Variants in GRK5 observed in about 807,000 individuals in gnomAD.
GRK5 encodes the protein G protein-coupled receptor kinase 5, also known as g protein-coupled receptor kinase GRK5.
Under a neutral mutation model 78.4 loss-of-function variants are expected in GRK5, and 40 were observed. The ratio of observed to expected loss-of-function variants is 0.51; its 90% CI spans 0.40 to 0.66. GRK5 has a LOEUF of 0.66. GRK5 is among the 30% of genes least tolerant of loss of function. The pLI, the probability that GRK5 is intolerant of heterozygous loss-of-function variation, is 0.00. For synonymous variants in GRK5, 289 were observed against 296.8 expected (o/e 0.97, Z 0.27); for missense variants, 598 against 759.9 (o/e 0.79, Z 2.50).
chr10:119,381,159 A>C (rs3818779), intron 3 of GRK5, among the ~76,000 whole-genome samples: 1 of 152,188 alleles, frequency 6.6e-6, no homozygotes, highest in Non-Finnish European at 1.5e-5. Context: ...CTTAGTTGCT[A>C]TTGCTATAAA....
intron 1 of GRK5, among the ~76,000 whole-genome samples, chr10:119,214,707 A>T (rs1354274330): frequency 1.3e-5 from 2 of 151,802 alleles, no homozygotes; most frequent in African/African-American, 4.8e-5. Flanking sequence ...TTTTGTAGAG[A>T]TGGGGTTTCG....
intron 2 of GRK5, among the ~76,000 whole-genome samples, chr10:119,356,700 A>G (rs17098766): frequency 0.037 from 5,655 of 152,260 alleles, 199 homozygotes; most frequent in Admixed American, 0.093. Context: ...GGAGATGCCA[A>G]GAATAGAGAA....
intron 13 of GRK5, among the ~76,000 whole-genome samples, chr10:119,451,947 G>A (rs1589818454): frequency 6.6e-6 from 1 of 152,262 alleles, no homozygotes; most frequent in Middle Eastern, 3.4e-3. Context: ...ACCCCACCTG[G>A]GGCTGTCTCT....
chr10:119,278,031 A>G (rs1438858900), intron 1 of GRK5, among the ~76,000 whole-genome samples: 2 of 152,236 alleles, frequency 1.3e-5, no homozygotes, highest in Admixed American at 6.5e-5. Flanking sequence ...CTCTATGGAC[A>G]GAGATTTCCT....
rs532934695 is a variant in GRK5, at chr10:119,245,204, G to A, written c.52+37235G>A. Reference sequence around the variant, plus strand: ...GAGGCAGAAGAATCTCTTGAACCCAGTAGGCGGAGGTTGCAGTGAGCCAAG... The same window carrying A: ...GAGGCAGAAGAATCTCTTGAACCCAATAGGCGGAGGTTGCAGTGAGCCAAG... On this transcript the variant is annotated intron_variant, in intron 1 of 15. Transcript: ENST00000392870. Among the ~76,000 whole-genome samples, 4 of 152,260 alleles carry A rather than the reference G, an allele frequency of 2.6e-5. No individual in the cohort carries two copies. In the East Asian group the frequency reaches 5.8e-4, roughly 22 times the overall value.
At chr10:119,344,874 C>G (rs1193946148) in intron 2 of GRK5, among the ~76,000 whole-genome samples, 1 of 69,742 alleles carries the variant, frequency 1.4e-5, no homozygotes, top group Admixed American at 1.6e-4. Flanking sequence ...AAGACCCACC[C>G]TTCCTTCCTT....
At chr10:119,244,382 C>T (rs1162022217) in intron 1 of GRK5, among the ~76,000 whole-genome samples, 1 of 152,164 alleles carries the variant, frequency 6.6e-6, no homozygotes, top group Non-Finnish European at 1.5e-5. Flanking sequence ...TATTCAATAA[C>T]AACAACAACA....
At chr10:119,233,912 C>T (rs1221039731) in intron 1 of GRK5, among the ~76,000 whole-genome samples, 3 of 152,216 alleles carry the variant, frequency 2.0e-5, no homozygotes, top group Non-Finnish European at 4.4e-5. Context: ...ACATCCCAGT[C>T]ACCATGGAAA....
At chr10:119,344,267 T>C (rs1161049515) in intron 2 of GRK5, among the ~76,000 whole-genome samples, 2 of 152,060 alleles carry the variant, frequency 1.3e-5, no homozygotes, top group Non-Finnish European at 2.9e-5. Flanking sequence ...GCCATGTTGG[T>C]GTGCTGCACC....
chr10:119,403,240 C>T (rs1261229850), intron 4 of GRK5, among the ~76,000 whole-genome samples: 1 of 151,640 alleles, frequency 6.6e-6, no homozygotes, highest in African/African-American at 2.4e-5. Context: ...GATCTCGGCT[C>T]ACTGCAAGCT....
chr10:119,431,612 T>C lies in GRK5; in HGVS notation c.738+85T>C. 5.3e-6 allele frequency: 8 copies of C among 1,496,156 alleles called. No homozygotes were observed. The highest frequency in any genetic ancestry group is 7.2e-6 in the Non-Finnish European group (8 of 1,108,178). The allele number at this position is 1,496,156 out of a possible 1,614,324, so 92.7% of individuals were successfully genotyped here. A position where few individuals can be genotyped will look rare whatever the true frequency, so the allele number is the denominator to read the frequency against. On this transcript the variant is annotated intron_variant, in intron 8 of 15. Coordinates refer to ENST00000392870, the MANE Select transcript of GRK5 (RefSeq NM_005308.3). This position sits in a 1 kb window ranked among gnomAD's most constrained non-coding sequence, Gnocchi z 4.8. ...CCTCCGGAAGGGCGTGGTCCTCTAA[T>C]GCGGCCGGTCCCCACCCCTGGGAAG...
chr10:119,358,268 C>G (rs980559999), intron 2 of GRK5, among the ~76,000 whole-genome samples: 6 of 152,158 alleles, frequency 3.9e-5, no homozygotes, highest in Admixed American at 3.9e-4. Context: ...CTGACAGTCA[C>G]CCATGAGGAA....
At chr10:119,391,820 C>A (rs12781823) in intron 3 of GRK5, among the ~76,000 whole-genome samples, 1 of 152,064 alleles carries the variant, frequency 6.6e-6, no homozygotes, top group African/African-American at 2.4e-5. Context: ...GCTGACCAGG[C>A]GTGTCACTTG....
chr10:119,450,215 G>C (rs1853246850), intron 13 of GRK5, among the ~76,000 whole-genome samples: 1 of 152,194 alleles, frequency 6.6e-6, no homozygotes. Context: ...TCCAGACTGG[G>C]GGTGTGGCAA....
At chr10:119,376,561 CTTTT>C (rs3064490) in intron 2 of GRK5, among the ~76,000 whole-genome samples, 15 of 104,338 alleles carry the variant, frequency 1.4e-4, no homozygotes, top group African/African-American at 1.1e-4. Flanking sequence ...TCCCTAATGC[CTTTT>C]TTTTTTTTTT....
In GRK5 at chr10:119,394,361, G is replaced by GCTAT. The variant is rs1564917124; in HGVS notation, c.262-2334_262-2333insCTAT. 5.2e-4 allele frequency among the ~76,000 whole-genome samples: 37 copies of GCTAT among 70,716 alleles called. 5 individuals carry two copies. Among genetic ancestry groups the GCTAT allele is most frequent in the Non-Finnish European group, 8.0e-4 (26 of 32,622 alleles). The allele number at this position is 70,716 out of a possible 152,430, so 46.4% of individuals were successfully genotyped here. ...CTGTGTGTGGGCATGTGGGTGTGTG[G>GCTAT]GTGTGTGTGGGTGTCGGTGTGTGTA... is the stretch of plus-strand genomic sequence containing the variant. On this transcript the variant is annotated intron_variant, in intron 3 of 15. Coordinates refer to ENST00000392870, the MANE Select transcript of GRK5 (RefSeq NM_005308.3).
At chr10:119,340,535 A>G (rs1850965796) in intron 2 of GRK5, among the ~76,000 whole-genome samples, 1 of 152,278 alleles carries the variant, frequency 6.6e-6, no homozygotes, top group Non-Finnish European at 1.5e-5. Context: ...CCAATGAGAT[A>G]AGGATAAACA....
chr10:119,249,421 ATAT>A (rs1414465525), intron 1 of GRK5, among the ~76,000 whole-genome samples: 3 of 152,210 alleles, frequency 2.0e-5, no homozygotes, highest in Middle Eastern at 3.2e-3. Flanking sequence ...TATCAAATAA[ATAT>A]TATGTGACAC....
At chr10:119,266,471 A>C (rs764137602) in intron 1 of GRK5, among the ~76,000 whole-genome samples, 6 of 152,152 alleles carry the variant, frequency 3.9e-5, no homozygotes, top group African/African-American at 7.2e-5. Context: ...TCAAAAAAAA[A>C]AAGAAATGAT....
Sources: allele counts gnomAD v4.1 joint callset (sites outside exome capture counted in the v4.1 genomes callset), GRCh38; gene constraint gnomAD v4.1.1; non-coding constraint Gnocchi (gnomAD v3.1); transcripts MANE v1.5; gene names NCBI Gene and HGNC (gene_info 2026-07-23, HGNC 2026-07-21).